The following PLCB1 variants were observed in gnomAD, a reference collection of about 807,000 sequenced individuals.
PLCB1 encodes phospholipase C beta 1.
Under a neutral mutation model 161.8 loss-of-function variants are expected in PLCB1, and 46 were observed. That is an observed-to-expected ratio of 0.28 (90% CI 0.22 to 0.36). The LOEUF is 0.36. Ranked by LOEUF, PLCB1 falls within the 10% of genes least tolerant of loss-of-function variation. PLCB1 has a pLI of 1.00. For synonymous variants in PLCB1, 517 were observed against 503.7 expected (o/e 1.03, Z -0.35); for missense variants, 1,016 against 1,472.5 (o/e 0.69, Z 5.07).
At chr20:8,252,982 A>G (rs144624046) in intron 2 of PLCB1, among the ~76,000 whole-genome samples, 1 of 152,072 alleles carries the variant, frequency 6.6e-6, no homozygotes, top group East Asian at 1.9e-4. Flanking sequence ...GAAATTCTTA[A>G]TAATGCCCAT....
chr20:8,751,679 A>G (rs1218318858), intron 23 of PLCB1: 1 of 152,182 alleles, frequency 6.6e-6, no homozygotes. Context: ...TCTGTGGTTC[A>G]TTCTGCACTT....
At chr20:8,736,410 TTA>T in intron 19 of PLCB1, among the ~76,000 whole-genome samples, 1 of 152,334 alleles carries the variant, frequency 6.6e-6, no homozygotes, top group African/African-American at 2.4e-5. Context: ...TCTTGATGGT[TTA>T]AAGTGAATAC....
intron 2 of PLCB1, among the ~76,000 whole-genome samples, chr20:8,199,771 G>T (rs935482097): frequency 1.3e-5 from 2 of 152,010 alleles, no homozygotes; most frequent in Non-Finnish European, 1.5e-5. Context: ...GAAGATCTTT[G>T]TACGTACTAA....
intron 2 of PLCB1, among the ~76,000 whole-genome samples, chr20:8,279,851 A>G (rs1982790044): frequency 6.6e-6 from 1 of 152,194 alleles, no homozygotes; most frequent in South Asian, 2.1e-4. Context: ...ATCAGGATGA[A>G]GTAAAAAGAA....
chr20:8,279,941 G>A (rs2123282142), intron 2 of PLCB1, among the ~76,000 whole-genome samples: 2 of 152,230 alleles, frequency 1.3e-5, no homozygotes, highest in South Asian at 4.1e-4. Context: ...TTGGGGTGCT[G>A]GCAGTGTTCC....
At position 8,330,119 on chromosome 20, in the gene PLCB1, G is replaced by A. The variant is rs571734966; in HGVS notation, c.178-41263G>A. On this transcript the variant is annotated intron_variant, in intron 2 of 31. Transcript: ENST00000338037. ...CAAAAAAATGTAGGACAAAACCATG[G>A]GGCCTTAAAATGAATGAGAACAATA... Among the ~76,000 whole-genome samples, 14 of 152,094 alleles carry A rather than the reference G, an allele frequency of 9.2e-5. No individual in the cohort carries two copies. In the South Asian group the frequency reaches 2.7e-3, roughly 29 times the overall value.
intron 3 of PLCB1, among the ~76,000 whole-genome samples, chr20:8,581,369 G>T (rs574597139): frequency 2.0e-5 from 3 of 152,210 alleles, no homozygotes; most frequent in African/African-American, 4.8e-5. Flanking sequence ...GTGACTTGGC[G>T]ACCATTTGGA....
intron 3 of PLCB1, among the ~76,000 whole-genome samples, chr20:8,457,711 C>T (rs867829910): frequency 6.8e-4 from 56 of 82,544 alleles, no homozygotes; most frequent in African/African-American, 2.0e-3. Context: ...CTAATGTGTG[C>T]GCGCACACAC....
In PLCB1 at chr20:8,658,120, A is replaced by C. The variant is rs1046021117; in HGVS notation, c.696-418A>C. On this transcript the variant is annotated intron_variant, in intron 8 of 31. Transcript: ENST00000338037. ...CTAACTGTAACTTTTAAAAACACTC[A>C]AACGGGTTGTTTACTTTAAGTAATG... Among the ~76,000 whole-genome samples the C allele has an allele frequency of 9.9e-5, 15 of 152,166 alleles. 1 individual carries two copies.
chr20:8,310,861 C>CCTCT (rs1344062450), intron 2 of PLCB1, among the ~76,000 whole-genome samples: 1 of 152,138 alleles, frequency 6.6e-6, no homozygotes, highest in Non-Finnish European at 1.5e-5. Context: ...AGGATTAAGG[C>CCTCT]CTCTAGCTGC....
At chr20:8,179,235 T>C (rs1377035085) in intron 2 of PLCB1, among the ~76,000 whole-genome samples, 42 of 152,164 alleles carry the variant, frequency 2.8e-4, no homozygotes, top group Admixed American at 2.8e-3. Context: ...GTATGGCCAG[T>C]TTATCAATAT....
At chr20:8,760,482 C>CA in intron 25 of PLCB1, 22 bp downstream of exon 25, 1 of 1,582,464 alleles carries the variant, frequency 6.3e-7, no homozygotes, top group Non-Finnish European at 8.7e-7. Flanking sequence ...CCTTTCCCCC[C>CA]ATGGAATTAA....
At chr20:8,457,710 G>A (rs1451461515) in intron 3 of PLCB1, among the ~76,000 whole-genome samples, 1 of 71,324 alleles carries the variant, frequency 1.4e-5, no homozygotes, top group African/African-American at 8.0e-5. Flanking sequence ...CCTAATGTGT[G>A]CGCGCACACA....
rs562547080 is a variant in PLCB1, at chr20:8,436,163, T to C, written c.246+64713T>C. On this transcript the variant is annotated intron_variant, in intron 3 of 31. Coordinates refer to ENST00000338037, the MANE Select transcript of PLCB1 (RefSeq NM_015192.4). ...AGACCAGCCTGGCCATGACGAAACC[T>C]GTCTCTACTAAAAACACAAAAAAGT... Among the ~76,000 whole-genome samples the C allele has an allele frequency of 1.2e-3, 187 of 152,136 alleles. 1 individual carries two copies. The highest frequency in any genetic ancestry group is 4.4e-3 in the African/African-American group (183 of 41,510).
intron 2 of PLCB1, among the ~76,000 whole-genome samples, chr20:8,248,062 A>G (rs1244621839): frequency 1.3e-5 from 2 of 151,868 alleles, no homozygotes; most frequent in African/African-American, 4.8e-5. Flanking sequence ...GATTATGTGC[A>G]GGGGATTTAT....
chr20:8,771,342 A>T (rs983142565), intron 26 of PLCB1, among the ~76,000 whole-genome samples: 2 of 152,288 alleles, frequency 1.3e-5, no homozygotes, highest in East Asian at 3.9e-4. Context: ...TAATAGTTTG[A>T]AATTACATAT....
intron 25 of PLCB1, 79 bp downstream of exon 25, chr20:8,760,539 C>A: frequency 1.1e-6 from 1 of 944,330 alleles, no homozygotes; most frequent in Non-Finnish European, 1.6e-6. Flanking sequence ...GAGGAAATTT[C>A]CATTCATATC....
intron 2 of PLCB1, among the ~76,000 whole-genome samples, chr20:8,233,284 T>C (rs574173265): frequency 3.2e-4 from 48 of 152,258 alleles, no homozygotes; most frequent in African/African-American, 1.1e-3. Flanking sequence ...AAAAACATGA[T>C]TATTGTACAG....
intron 3 of PLCB1, among the ~76,000 whole-genome samples, chr20:8,374,014 C>T (rs1190082378): frequency 1.3e-5 from 2 of 152,150 alleles, no homozygotes; most frequent in East Asian, 3.8e-4. Flanking sequence ...CAGTTAATGT[C>T]ACCAAGGACT....
Sources: allele counts gnomAD v4.1 joint callset (sites outside exome capture counted in the v4.1 genomes callset), GRCh38; gene constraint gnomAD v4.1.1; transcripts MANE v1.5; gene names NCBI Gene and HGNC (gene_info 2026-07-23, HGNC 2026-07-21).